The following PVR variants were observed in gnomAD, a reference collection of about 807,000 sequenced individuals.
PVR encodes poliovirus receptor.
PVR carries 39 observed loss-of-function variants against 43.3 expected under a neutral mutation model. That is an observed-to-expected ratio of 0.90 (90% CI 0.70 to 1.18). The LOEUF is 1.18. PVR is among the 50% of genes most tolerant of loss of function. The pLI, the probability that PVR is intolerant of heterozygous loss-of-function variation, is 0.00. For synonymous variants in PVR, 224 were observed against 233.2 expected (o/e 0.96, Z 0.36); for missense variants, 480 against 549.7 (o/e 0.87, Z 1.27).
At chr19:44,651,552 C>T (rs949054905) in intron 3 of PVR, among the ~76,000 whole-genome samples, 3 of 152,114 alleles carry the variant, frequency 2.0e-5, no homozygotes, top group African/African-American at 7.2e-5. Context: ...GCAGAGTCCC[C>T]CAGTGTAGTC....
At position 44,661,998 on chromosome 19, in the gene PVR, TAGA is replaced by T. The variant is rs962491528; in HGVS notation, c.*190_*192del. ...CCAAGACCACCCTCCTTTCATTTGC[TAGA>T]AGGACTCACTAGACTCAGGAAAGCT... On this transcript the variant is annotated 3_prime_UTR_variant, in exon 8 of 8. Transcript: ENST00000425690. The T allele has an allele frequency of 8.5e-5, 51 of 596,728 alleles. No homozygotes were observed. The highest frequency in any genetic ancestry group is 1.3e-4 in the Non-Finnish European group (43 of 334,844). 37.0% of individuals were successfully genotyped at this position (596,728 alleles called of 1,614,324 possible).
rs111916111 is a variant in PVR, at chr19:44,661,431, G to A, written c.1182+108G>A. Reference sequence around the variant, plus strand: ...CTCAGGAGCCTGGGTCTTTTCTCCTGGTGCCTCGAGCAGCATTTCCCAACC... The same window carrying A: ...CTCAGGAGCCTGGGTCTTTTCTCCTAGTGCCTCGAGCAGCATTTCCCAACC... On this transcript the variant is annotated intron_variant, in intron 7 of 7. Transcript: ENST00000425690. 1.2e-5 allele frequency: 15 copies of A among 1,223,190 alleles called. No individual in the cohort carries two copies. The African/African-American group carries it at 1.6e-4, about 13-fold the overall frequency. The allele number at this position is 1,223,190 out of a possible 1,614,324, so 75.8% of individuals were successfully genotyped here.
chr19:44,644,133 C>G lies in PVR; in HGVS notation c.37C>G (p.Leu13Val). The change falls in exon 1 of 8, where the codon CTG (leucine) becomes GTG (valine). Residue 13 changes from leucine to valine, a missense_variant. Leu to Val is a conservative substitution (Grantham distance 32). Coordinates refer to ENST00000425690, the MANE Select transcript of PVR (RefSeq NM_006505.5). ...CATGGCCGCCGCGTGGCCGCTGCTGCTGGTGGCGCTACTGGTGCTGTCCTG... is the reference window on the plus strand; with the variant it reads ...CATGGCCGCCGCGTGGCCGCTGCTGGTGGTGGCGCTACTGGTGCTGTCCTG... ...RAMAAAWPLL[L>V]VALLVLSWPP... 6.6e-7 allele frequency: 1 copy of G among 1,520,146 alleles called. No homozygotes were observed. 94.2% of individuals were successfully genotyped at this position (1,520,146 alleles called of 1,614,324 possible).
In PVR at chr19:44,658,701, A is replaced by G. The variant is rs141382529; in HGVS notation, c.992-41A>G. 43 of 1,533,720 alleles carry G rather than the reference A, an allele frequency of 2.8e-5. No homozygotes were observed. In the African/African-American group the frequency reaches 4.5e-4, roughly 16 times the overall value. On this transcript the variant is annotated intron_variant, in intron 5 of 7. Transcript: ENST00000425690. ...ATTTCAAGAATGAGGGATAAACCCC[A>G]AGAGTTTCCTTACCTAAATACCTGT...
chr19:44,662,178 C>A lies in PVR; in HGVS notation c.*367C>A. On this transcript the variant is annotated 3_prime_UTR_variant, in exon 8 of 8. Coordinates refer to ENST00000425690, the MANE Select transcript of PVR (RefSeq NM_006505.5). ...AGCCATATAGGCAGCACCTGATTCT[C>A]ACAGCAACATGTGACAACATGCAAG... 1 of 247,208 alleles carries A rather than the reference C, an allele frequency of 4.0e-6. No individual in the cohort carries two copies. The highest frequency in any genetic ancestry group is 8.0e-6 in the Non-Finnish European group (1 of 124,512). 15.3% of individuals were successfully genotyped at this position (247,208 alleles called of 1,614,324 possible).
chr19:44,653,747 G>A (rs779031891), intron 3 of PVR, 153 bp from the exon 4 acceptor site: 4 of 619,212 alleles, frequency 6.5e-6, no homozygotes, highest in Middle Eastern at 2.7e-4. Context: ...GCTCTCTGTG[G>A]CACCCCATCT....
rs778470899 is a variant in PVR, at chr19:44,658,809, G to T, written c.1059G>T (p.Leu353=). The T allele has an allele frequency of 6.2e-7, 1 of 1,613,896 alleles. No individual in the cohort carries two copies. Among genetic ancestry groups the T allele is most frequent in the East Asian group, 2.2e-5 (1 of 44,886 alleles). ...NAIIFLVLGI[L]VFLILLGIGI... is the part of the protein sequence containing the mutation. ...TCATCTTCCTGGTTCTGGGAATCCTGGTTTTTCTGATCCTGCTGGGGATCG... is the reference window on the plus strand; with the variant it reads ...TCATCTTCCTGGTTCTGGGAATCCTTGTTTTTCTGATCCTGCTGGGGATCG... Residue 353 remains leucine, a synonymous_variant, in exon 6 of 8, where the codon CTG becomes CTT. Transcript: ENST00000425690.
At chr19:44,654,627 G>A (rs575977966) in intron 4 of PVR, among the ~76,000 whole-genome samples, 2 of 152,214 alleles carry the variant, frequency 1.3e-5, no homozygotes, top group African/African-American at 4.8e-5. Context: ...GGGCAGAAGC[G>A]GCCCTTGAAT....
At position 44,661,955 on chromosome 19, in the gene PVR, G is replaced by T; in HGVS notation, c.*144G>T. Reference sequence around the variant, plus strand: ...CCAGACCTCAAAACGACGGGGGCAGGTGCAAGTTCATAGGTCTCCAAGACC... The same window carrying T: ...CCAGACCTCAAAACGACGGGGGCAGTTGCAAGTTCATAGGTCTCCAAGACC... On this transcript the variant is annotated 3_prime_UTR_variant, in exon 8 of 8. Coordinates refer to ENST00000425690, the MANE Select transcript of PVR (RefSeq NM_006505.5). The T allele has an allele frequency of 1.4e-6, 1 of 707,506 alleles. No homozygotes were observed. Among genetic ancestry groups the T allele is most frequent in the South Asian group, 1.7e-5 (1 of 58,566 alleles). The allele number at this position is 707,506 out of a possible 1,614,324, so 43.8% of individuals were successfully genotyped here. A position where few individuals can be genotyped will look rare whatever the true frequency, so the allele number is the denominator to read the frequency against.
At chr19:44,646,286 C>T (rs1041164140) in intron 1 of PVR, among the ~76,000 whole-genome samples, 5 of 152,136 alleles carry the variant, frequency 3.3e-5, no homozygotes, top group African/African-American at 1.2e-4. Flanking sequence ...GCCTTCCTCT[C>T]GTGCCTCAAT....
At chr19:44,645,180 ATAT>A (rs1364072142) in intron 1 of PVR, among the ~76,000 whole-genome samples, 21 of 82,936 alleles carry the variant, frequency 2.5e-4, no homozygotes, top group Admixed American at 1.4e-3. Flanking sequence ...TATATTATAT[ATAT>A]TATTATAATA....
chr19:44,648,852 A>G (rs1467022807), intron 2 of PVR, among the ~76,000 whole-genome samples: 1 of 152,214 alleles, frequency 6.6e-6, no homozygotes, highest in Non-Finnish European at 1.5e-5. Flanking sequence ...AGGGTAAAAC[A>G]GAAACAGTGA....
chr19:44,646,768 C>G (rs1973125854), intron 1 of PVR, among the ~76,000 whole-genome samples: 1 of 150,850 alleles, frequency 6.6e-6, no homozygotes, highest in Non-Finnish European at 1.5e-5. Context: ...GAGACTCCGT[C>G]TCAAAAAAAA....
At chr19:44,644,560 T>C (rs1259960698) in intron 1 of PVR, among the ~76,000 whole-genome samples, 5 of 152,040 alleles carry the variant, frequency 3.3e-5, no homozygotes, top group Non-Finnish European at 5.9e-5. Flanking sequence ...CTGCTCAGCA[T>C]ACCCAGGCCA....
chr19:44,658,989 C>A, intron 6 of PVR, 89 bp downstream of exon 6: 1 of 1,301,716 alleles, frequency 7.7e-7, no homozygotes, highest in Non-Finnish European at 1.1e-6. Context: ...AATCCTCACC[C>A]CACTGCCATG....
Position 44,650,072 on chromosome 19 carries a change from C to A in PVR, c.691C>A (p.Pro231Thr). Residue 231 changes from proline (P) to threonine (T), a missense_variant, in exon 3 of 8, where the codon CCT becomes ACT. Pro to Thr is a conservative substitution (Grantham distance 38). Transcript: ENST00000425690. ...GGTGGAGCACGAGAGCTTTGAGAAGCCTCAGCTGCTGACTGTGAACCTCAC... is the reference window on the plus strand; with the variant it reads ...GGTGGAGCACGAGAGCTTTGAGAAGACTCAGCTGCTGACTGTGAACCTCAC... ...CKVEHESFEK[P>T]QLLTVNLTVY... is the part of the protein sequence containing the mutation. The A allele has an allele frequency of 1.3e-6, 2 of 1,545,256 alleles. No individual in the cohort carries two copies. Among genetic ancestry groups the A allele is most frequent in the Non-Finnish European group, 1.7e-6 (2 of 1,145,250 alleles).
At position 44,661,291 on chromosome 19, in the gene PVR, G is replaced by A; in HGVS notation, c.1151-1G>A. On this transcript the variant is annotated splice_acceptor_variant, in intron 6 of 7. Transcript: ENST00000425690. LOFTEE classifies it high-confidence loss of function. ...GACGACTTCCCCTCCTATTTCCCCAGGTACAGAGCATGCCAGCGCCTCAGC... is the reference window on the plus strand; with the variant it reads ...GACGACTTCCCCTCCTATTTCCCCAAGTACAGAGCATGCCAGCGCCTCAGC... 2 of 1,613,748 alleles carry A rather than the reference G, an allele frequency of 1.2e-6. No homozygotes were observed. Among genetic ancestry groups the A allele is most frequent in the Non-Finnish European group, 1.7e-6 (2 of 1,179,662 alleles).
chr19:44,653,394 A>T (rs1973336465), intron 3 of PVR, among the ~76,000 whole-genome samples: 2 of 151,880 alleles, frequency 1.3e-5, no homozygotes, highest in Non-Finnish European at 2.9e-5. Flanking sequence ...CGAGGAGGAG[A>T]TCTACACTGA....
intron 5 of PVR, 152 bp downstream of exon 5, chr19:44,658,062 C>T: frequency 1.3e-6 from 1 of 769,338 alleles, no homozygotes; most frequent in Non-Finnish European, 2.1e-6. Flanking sequence ...AACTCCATAC[C>T]TATATCACTG....
Sources: allele counts gnomAD v4.1 joint callset (sites outside exome capture counted in the v4.1 genomes callset), GRCh38; gene constraint gnomAD v4.1.1; transcripts MANE v1.5; gene names NCBI Gene and HGNC (gene_info 2026-07-23, HGNC 2026-07-21).